LAMA2: variants seen among roughly 807,000 people sequenced by gnomAD.
The protein encoded by LAMA2 is laminin subunit alpha-2.
In LAMA2, 269 loss-of-function variants were observed where a neutral mutation model predicts 364.8. The observed-to-expected ratio is 0.74, with a 90% CI of 0.67 to 0.82. The LOEUF (loss-of-function observed/expected upper bound fraction) is 0.82. LAMA2 is among the 40% of genes least tolerant of loss of function. The pLI is 0.00. For missense variants in LAMA2, 3,807 were observed against 3,873.2 expected, an observed-to-expected ratio of 0.98 and a Z score of 0.45; for synonymous variants, 1,379 against 1,370.6, an observed-to-expected ratio of 1.01 and a Z score of -0.14.
chr6:128,893,843 T>C (rs528650977), intron 1 of LAMA2, among the ~76,000 whole-genome samples: 2 of 152,194 alleles, frequency 1.3e-5, no homozygotes, highest in African/African-American at 4.8e-5. Flanking sequence ...CATAACTTTA[T>C]GAAAAATAAT....
At chr6:128,889,517 A>T (rs1692149437) in intron 1 of LAMA2, among the ~76,000 whole-genome samples, 1 of 152,132 alleles carries the variant, frequency 6.6e-6, no homozygotes, top group South Asian at 2.1e-4. Flanking sequence ...AAAGGTAAAA[A>T]AATTGGATAG....
At chr6:128,957,803 G>T (rs1205409580) in intron 1 of LAMA2, among the ~76,000 whole-genome samples, 1 of 144,000 alleles carries the variant, frequency 6.9e-6, no homozygotes, top group Admixed American at 6.9e-5. Flanking sequence ...AGTATAGTTT[G>T]GAGTATTCTT....
At chr6:129,016,433 T>C in intron 1 of LAMA2, among the ~76,000 whole-genome samples, 1 of 151,904 alleles carries the variant, frequency 6.6e-6, no homozygotes, top group South Asian at 2.1e-4. Context: ...AATAACCAAA[T>C]GACATCGCTA....
At chr6:129,092,728 G>A (rs1774918916) in intron 3 of LAMA2, among the ~76,000 whole-genome samples, 1 of 152,218 alleles carries the variant, frequency 6.6e-6, no homozygotes, top group African/African-American at 2.4e-5. Flanking sequence ...TCTCTTGAGA[G>A]ATTAAGAAAG....
chr6:129,055,165 C>CATTATTATTATTT (rs1379786712), intron 2 of LAMA2, among the ~76,000 whole-genome samples: 50 of 32,562 alleles, frequency 1.5e-3, no homozygotes, highest in East Asian at 5.1e-3. Flanking sequence ...ATTTACTTTA[C>CATTATTATTATTT]ATTATTATTA....
chr6:129,483,256 T>A (rs757979760), intron 55 of LAMA2, among the ~76,000 whole-genome samples: 2 of 151,154 alleles, frequency 1.3e-5, no homozygotes, highest in Non-Finnish European at 3.0e-5. Context: ...ATTCCTGATT[T>A]AAAAAAAAGA....
intron 4 of LAMA2, among the ~76,000 whole-genome samples, chr6:129,131,263 T>G (rs1285125088): frequency 6.6e-6 from 1 of 152,192 alleles, no homozygotes; most frequent in African/African-American, 2.4e-5. Context: ...TGAAATGAAG[T>G]CCACTTTAGA....
chr6:129,467,586 A>C (rs1016573819), intron 51 of LAMA2, among the ~76,000 whole-genome samples: 2 of 151,958 alleles, frequency 1.3e-5, no homozygotes, highest in African/African-American at 4.8e-5. Context: ...CTCTAAAGAT[A>C]GTAATATGCT....
chr6:129,098,497 T>G, intron 4 of LAMA2, 82 bp downstream of exon 4: 1 of 1,460,266 alleles, frequency 6.8e-7, no homozygotes. Context: ...TATCAGTAAT[T>G]AATGTCAGGG....
At chr6:128,918,379 C>T (rs1032538936) in intron 1 of LAMA2, among the ~76,000 whole-genome samples, 3 of 152,044 alleles carry the variant, frequency 2.0e-5, no homozygotes, top group Non-Finnish European at 4.4e-5. Context: ...TTGTGTTTAT[C>T]TGAAAACCTA....
chr6:129,029,837 A>AT (rs1786099061), intron 1 of LAMA2, among the ~76,000 whole-genome samples: 1 of 152,006 alleles, frequency 6.6e-6, no homozygotes, highest in Non-Finnish European at 1.5e-5. Flanking sequence ...TCTTAAATTG[A>AT]TTTTTAGGAA....
chr6:129,179,987 C>T (rs942580288), intron 10 of LAMA2, among the ~76,000 whole-genome samples: 1 of 151,956 alleles, frequency 6.6e-6, no homozygotes, highest in Admixed American at 6.6e-5. Context: ...TAATTAATAA[C>T]CTAGCATTTC....
At chr6:129,407,906 A>G (rs576362502) in intron 40 of LAMA2, among the ~76,000 whole-genome samples, 2 of 152,238 alleles carry the variant, frequency 1.3e-5, no homozygotes, top group African/African-American at 4.8e-5. Context: ...GACTGATTTC[A>G]CCTTGATATT....
Position 129,287,883 on chromosome 6 carries a change from T to A in LAMA2, c.2574T>A (p.Pro858=). The A allele has an allele frequency of 6.2e-7, 1 of 1,614,070 alleles. No homozygotes were observed. The highest frequency in any genetic ancestry group is 8.5e-7 in the Non-Finnish European group (1 of 1,179,936). Residue 858 remains proline (P), a synonymous_variant, in exon 19 of 65, where the codon CCT becomes CCA. Transcript: ENST00000421865. The part of the protein sequence containing the change: ...AEGYFGQPSV[P]GGSCQPCQCN... ...GCTATTTTGGACAACCCTCTGTACC[T>A]GGAGGATCATGTCAGCCATGCCAAT...
At chr6:128,893,085 T>C (rs963593440) in intron 1 of LAMA2, among the ~76,000 whole-genome samples, 2 of 151,942 alleles carry the variant, frequency 1.3e-5, no homozygotes, top group African/African-American at 2.4e-5. Context: ...GGATTTGTAA[T>C]TGGAATTCCA....
chr6:129,471,729 A>G (rs991420320), intron 51 of LAMA2, among the ~76,000 whole-genome samples: 7 of 152,014 alleles, frequency 4.6e-5, no homozygotes, highest in Non-Finnish European at 1.0e-4. Flanking sequence ...ATAATAAAAT[A>G]GGTGTGTGAA....
intron 40 of LAMA2, among the ~76,000 whole-genome samples, chr6:129,422,669 A>C (rs2114731873): frequency 6.6e-6 from 1 of 152,304 alleles, no homozygotes; most frequent in Non-Finnish European, 1.5e-5. Flanking sequence ...TAATCTGAAT[A>C]GTTCTATATT....
At chr6:128,984,225 A>G (rs1783074746) in intron 1 of LAMA2, among the ~76,000 whole-genome samples, 1 of 152,132 alleles carries the variant, frequency 6.6e-6, no homozygotes, top group African/African-American at 2.4e-5. Context: ...GTTTTCTGCA[A>G]TGATGCTGGT....
At chr6:128,897,775 C>T (rs934519795) in intron 1 of LAMA2, among the ~76,000 whole-genome samples, 14 of 152,188 alleles carry the variant, frequency 9.2e-5, no homozygotes, top group African/African-American at 1.9e-4. Flanking sequence ...TAGAGAATAT[C>T]ATCCAGTTGG....
Sources: gnomAD v4.1 joint callset for allele counts (sites outside exome capture counted in the v4.1 genomes callset) on GRCh38, gnomAD v4.1.1 for gene constraint, MANE v1.5 for transcripts, NCBI Gene and HGNC (gene_info 2026-07-23, HGNC 2026-07-21) for gene names.